The following BRINP1 variants were observed in gnomAD, a reference collection of about 807,000 sequenced individuals.
The protein encoded by BRINP1 is BMP/retinoic acid inducible neural specific 1, also known as BMP/retinoic acid-inducible neural-specific protein 1.
Under a neutral mutation model 72.9 loss-of-function variants are expected in BRINP1, and 17 were observed. The observed-to-expected ratio is 0.23, with a 90% CI of 0.16 to 0.35. BRINP1 has a LOEUF of 0.35. Ranked by LOEUF, BRINP1 falls within the 10% of genes least tolerant of loss-of-function variation. BRINP1 has a pLI of 1.00. For missense variants in BRINP1, 850 were observed against 1,001.6 expected (o/e 0.85, Z 2.04); for synonymous variants, 418 against 378.5 (o/e 1.10, Z -1.21).
intron 2 of BRINP1, among the ~76,000 whole-genome samples, chr9:119,263,315 C>T (rs1389196142): frequency 6.6e-6 from 1 of 152,182 alleles, no homozygotes; most frequent in Non-Finnish European, 1.5e-5. Flanking sequence ...AACTTCAGGA[C>T]TGAAGTGCCT....
chr9:119,325,118 AAGAG>A (rs767203877), intron 1 of BRINP1, among the ~76,000 whole-genome samples: 3 of 151,544 alleles, frequency 2.0e-5, no homozygotes, highest in South Asian at 2.1e-4. Context: ...GAAAGAAAGA[AAGAG>A]AGAGAGAGAG....
chr9:119,296,714 A>C (rs369041297), intron 2 of BRINP1, among the ~76,000 whole-genome samples: 2 of 152,330 alleles, frequency 1.3e-5, no homozygotes, highest in African/African-American at 4.8e-5. Flanking sequence ...CATTTGTAAC[A>C]TGTATGGGCC....
rs1830552144 is a variant in BRINP1, at chr9:119,266,757, T to C, written c.219-17607A>G. On this transcript the variant is annotated intron_variant, in intron 2 of 7. Coordinates refer to ENST00000265922, the MANE Select transcript of BRINP1 (RefSeq NM_014618.3). ...GTAAGTGAAATATGCAATATTTGTCTTTCTGTGCCTGGCTTATTTCACTTA... is the reference window on the plus strand; with the variant it reads ...GTAAGTGAAATATGCAATATTTGTCCTTCTGTGCCTGGCTTATTTCACTTA... Among the ~76,000 whole-genome samples the C allele has an allele frequency of 1.3e-5, 2 of 152,244 alleles. 1 individual carries two copies. Among genetic ancestry groups the C allele is most frequent in the South Asian group, 4.1e-4 (2 of 4,828 alleles).
At chr9:119,339,137 G>T (rs749636382) in intron 1 of BRINP1, among the ~76,000 whole-genome samples, 1 of 152,190 alleles carries the variant, frequency 6.6e-6, no homozygotes, top group Non-Finnish European at 1.5e-5. Flanking sequence ...TAAAAATCCA[G>T]GTAGTAAATA....
intron 5 of BRINP1, among the ~76,000 whole-genome samples, chr9:119,237,168 A>C (rs1830199756): frequency 6.6e-6 from 1 of 152,056 alleles, no homozygotes; most frequent in Non-Finnish European, 1.5e-5. Flanking sequence ...ACCTTTCTAG[A>C]AGGTCACATT....
intron 7 of BRINP1, 111 bp downstream of exon 7, chr9:119,208,608 T>C: frequency 8.9e-7 from 1 of 1,118,116 alleles, no homozygotes; most frequent in South Asian, 1.4e-5. Flanking sequence ...TGCGAGGTCC[T>C]GTTTGCCACC....
intron 6 of BRINP1, 155 bp downstream of exon 6, chr9:119,213,764 G>A (rs944218602): frequency 1.3e-5 from 9 of 684,300 alleles, no homozygotes; most frequent in South Asian, 8.5e-5. Context: ...TGCCTGCTCT[G>A]TGACAGCTAT....
chr9:119,285,682 T>C (rs1191833910), intron 2 of BRINP1, among the ~76,000 whole-genome samples: 1 of 152,196 alleles, frequency 6.6e-6, no homozygotes, highest in Admixed American at 6.5e-5. Context: ...TACCTCCTCA[T>C]TCTTTCTATT....
intron 7 of BRINP1, among the ~76,000 whole-genome samples, chr9:119,199,800 C>CT (rs11375044): frequency 0.81 from 117,994 of 145,884 alleles, 47,752 homozygotes; most frequent in Middle Eastern, 0.9. Context: ...TCTTGTTCTT[C>CT]TTTTTTTTTT....
intron 2 of BRINP1, among the ~76,000 whole-genome samples, chr9:119,271,515 T>C (rs1250346733): frequency 6.6e-6 from 1 of 152,148 alleles, no homozygotes; most frequent in Non-Finnish European, 1.5e-5. Flanking sequence ...TTATTATTTA[T>C]AGGAGAATGT....
rs1830096704 is a variant in BRINP1, at chr9:119,226,822, C to T, written c.685+11833G>A. Reference sequence around the variant, plus strand: ...ACCTAGAAAGGTTATGGTGCTGGCACATGGAAAGGGCTATATAAATTCCTG... The same window carrying T: ...ACCTAGAAAGGTTATGGTGCTGGCATATGGAAAGGGCTATATAAATTCCTG... On this transcript the variant is annotated intron_variant, in intron 5 of 7. Coordinates refer to ENST00000265922, the MANE Select transcript of BRINP1 (RefSeq NM_014618.3). 2.0e-5 allele frequency among the ~76,000 whole-genome samples: 3 copies of T among 151,834 alleles called. No individual in the cohort carries two copies. The South Asian group carries it at 6.2e-4, about 32-fold the overall frequency.
intron 2 of BRINP1, among the ~76,000 whole-genome samples, chr9:119,251,046 G>T (rs1830382051): frequency 1.3e-5 from 2 of 152,182 alleles, no homozygotes; most frequent in African/African-American, 4.8e-5. Context: ...TCTGAGAAAA[G>T]CTTTCACATT....
intron 1 of BRINP1, among the ~76,000 whole-genome samples, chr9:119,358,355 A>G (rs1425882750): frequency 1.3e-5 from 2 of 151,048 alleles, no homozygotes; most frequent in African/African-American, 4.9e-5. Context: ...CAACTCAGAT[A>G]CGGATTGATC....
intron 5 of BRINP1, among the ~76,000 whole-genome samples, chr9:119,237,387 G>A (rs1232198669): frequency 4.2e-5 from 4 of 94,576 alleles, no homozygotes; most frequent in Admixed American, 2.8e-4. Context: ...TTGAGGTGGA[G>A]TCTTGCTCTG....
intron 2 of BRINP1, among the ~76,000 whole-genome samples, chr9:119,296,186 G>A (rs1372439787): frequency 6.6e-6 from 1 of 152,004 alleles, no homozygotes; most frequent in East Asian, 1.9e-4. Flanking sequence ...TCAAATAAAT[G>A]AACAGCAAAA....
intron 2 of BRINP1, among the ~76,000 whole-genome samples, chr9:119,269,862 A>C (rs1165203224): frequency 3.2e-5 from 1 of 30,974 alleles, no homozygotes; most frequent in African/African-American, 5.9e-5. Context: ...TACATTAATA[A>C]AAAAAAATTC....
intron 7 of BRINP1, among the ~76,000 whole-genome samples, chr9:119,193,354 C>A (rs1161648358): frequency 6.6e-6 from 1 of 151,116 alleles, no homozygotes; most frequent in Non-Finnish European, 1.5e-5. Context: ...CACTTAAATG[C>A]AGAAGGAAAA....
At chr9:119,349,377 T>C (rs1005871110) in intron 1 of BRINP1, among the ~76,000 whole-genome samples, 5 of 152,174 alleles carry the variant, frequency 3.3e-5, no homozygotes, top group Admixed American at 2.0e-4. Flanking sequence ...ATTTCACCAA[T>C]GGCCAGCCCC....
chr9:119,173,071 C>T (rs1829435805), intron 7 of BRINP1, among the ~76,000 whole-genome samples: 1 of 145,672 alleles, frequency 6.9e-6, no homozygotes, highest in Non-Finnish European at 1.5e-5. Flanking sequence ...AAAACTGGCA[C>T]AAGACAGGGA....
Sources: allele counts gnomAD v4.1 joint callset (sites outside exome capture counted in the v4.1 genomes callset), GRCh38; gene constraint gnomAD v4.1.1; transcripts MANE v1.5; gene names NCBI Gene and HGNC (gene_info 2026-07-23, HGNC 2026-07-21).